GAB2: variants seen among roughly 807,000 people sequenced by gnomAD.
The protein encoded by GAB2 is GRB2 associated binding protein 2, also known as GRB2-associated-binding protein 2.
Under a neutral mutation model 65.5 loss-of-function variants are expected in GAB2, and 26 were observed. The ratio of observed to expected loss-of-function variants is 0.40; its 90% confidence interval spans 0.29 to 0.55. The LOEUF is 0.55. GAB2 is among the 20% of genes least tolerant of loss of function. The pLI is 0.53. For synonymous variants in GAB2, 321 were observed against 329.6 expected (o/e 0.97, Z 0.28); for missense variants, 884 against 875.8 (o/e 1.01, Z -0.12).
intron 1 of GAB2, among the ~76,000 whole-genome samples, chr11:78,416,779 T>TAAAAA (rs5792806): frequency 1.7e-5 from 2 of 116,224 alleles, no homozygotes; most frequent in African/African-American, 6.2e-5. Context: ...GGAGAGGGGT[T>TAAAAA]AAAAAAAAAA....
At chr11:78,381,901 C>T (rs770483302) in intron 1 of GAB2, among the ~76,000 whole-genome samples, 3 of 152,206 alleles carry the variant, frequency 2.0e-5, no homozygotes, top group Non-Finnish European at 4.4e-5. Flanking sequence ...TTCGCAGTTC[C>T]TTGCTGCTTA....
In GAB2 at chr11:78,291,548, CTTTTT is replaced by C. The variant is rs1480308815; in HGVS notation, c.76-10652_76-10648del. Among the ~76,000 whole-genome samples the C allele has an allele frequency of 6.1e-3, 403 of 66,310 alleles. 14 individuals carry two copies. Among genetic ancestry groups the C allele is most frequent in the African/African-American group, 0.024 (386 of 15,788 alleles). 43.5% of individuals were successfully genotyped at this position (66,310 alleles called of 152,430 possible). On this transcript the variant is annotated intron_variant, in intron 1 of 9. Coordinates refer to ENST00000361507, the MANE Select transcript of GAB2 (RefSeq NM_080491.3). The stretch of plus-strand genomic sequence containing the variant: ...ATTCTCCCCTATCTTGAGAGACTTA[CTTTTT>C]TCTTTTTCTTTTTTTTTTTTTTTTT...
At chr11:78,406,621 A>G (rs75633861) in intron 1 of GAB2, among the ~76,000 whole-genome samples, 9,611 of 152,162 alleles carry the variant, frequency 0.063, 979 homozygotes, top group African/African-American at 0.22. Context: ...CAGGTGACTC[A>G]CCTGCCTTGG....
intron 1 of GAB2, among the ~76,000 whole-genome samples, chr11:78,381,533 T>C (rs1454118232): frequency 1.3e-5 from 2 of 152,192 alleles, no homozygotes; most frequent in Non-Finnish European, 2.9e-5. Flanking sequence ...CTCTTCCTCC[T>C]CCCACCTGCT....
At chr11:78,314,200 A>G (rs1030614280) in intron 1 of GAB2, among the ~76,000 whole-genome samples, 1 of 152,198 alleles carries the variant, frequency 6.6e-6, no homozygotes, top group African/African-American at 2.4e-5. Flanking sequence ...AATATTTCCA[A>G]AAGTCCAGGG....
chr11:78,222,329 T>C, intron 6 of GAB2, 134 bp from the exon 7 acceptor site: 1 of 645,672 alleles, frequency 1.5e-6, no homozygotes, highest in Non-Finnish European at 2.8e-6. Context: ...AAACTGACGC[T>C]CAGCGAGGTT....
At chr11:78,323,180 A>G (rs570358570) in intron 1 of GAB2, among the ~76,000 whole-genome samples, 7 of 152,162 alleles carry the variant, frequency 4.6e-5, no homozygotes, top group Admixed American at 6.6e-5. Context: ...GCATGTATGC[A>G]GCTGGAGGTC....
At chr11:78,219,499 G>T in intron 9 of GAB2, 84 bp from the exon 10 acceptor site, 1 of 1,285,928 alleles carries the variant, frequency 7.8e-7, no homozygotes, top group Non-Finnish European at 1.1e-6. Context: ...GGATCTTCCT[G>T]AGCTGTCTGA....
intron 1 of GAB2, among the ~76,000 whole-genome samples, chr11:78,299,288 T>C (rs756984849): frequency 8.5e-5 from 13 of 152,206 alleles, no homozygotes; most frequent in South Asian, 2.1e-4. Flanking sequence ...CTCTGGGCCA[T>C]TTCCTCATCT....
intron 1 of GAB2, among the ~76,000 whole-genome samples, chr11:78,396,722 C>G (rs772294684): frequency 6.6e-6 from 1 of 152,132 alleles, no homozygotes; most frequent in Non-Finnish European, 1.5e-5. Flanking sequence ...CTCAGCCACC[C>G]GAGCAGCTGA....
chr11:78,328,832 T>C (rs930770456), intron 1 of GAB2, among the ~76,000 whole-genome samples: 9 of 152,124 alleles, frequency 5.9e-5, no homozygotes, highest in African/African-American at 2.2e-4. Context: ...GGAACGATGG[T>C]AATGTTTTAT....
At chr11:78,376,037 A>C (rs1159540023) in intron 1 of GAB2, among the ~76,000 whole-genome samples, 2 of 152,214 alleles carry the variant, frequency 1.3e-5, no homozygotes, top group Non-Finnish European at 2.9e-5. Context: ...TTGCATGTGC[A>C]AAAGATCAGA....
intron 3 of GAB2, among the ~76,000 whole-genome samples, chr11:78,248,727 T>G (rs899754417): frequency 2.6e-5 from 4 of 152,230 alleles, no homozygotes; most frequent in Non-Finnish European, 5.9e-5. Flanking sequence ...ATAAGAATAT[T>G]GAAGGTTAAT....
At chr11:78,374,351 G>A (rs1372039165) in intron 1 of GAB2, among the ~76,000 whole-genome samples, 2 of 152,022 alleles carry the variant, frequency 1.3e-5, no homozygotes, top group South Asian at 2.1e-4. Flanking sequence ...CACTTTTGTC[G>A]AGCCATTTCT....
Position 78,223,489 on chromosome 11 carries a change from G to C in GAB2, c.1490C>G (p.Pro497Arg), listed in dbSNP as rs1864527604. 6.2e-7 allele frequency: 1 copy of C among 1,609,448 alleles called. No homozygotes were observed. The highest frequency in any genetic ancestry group is 8.5e-7 in the Non-Finnish European group (1 of 1,177,536). The change falls in exon 6 of 10, where the codon CCT (proline) becomes CGT (arginine). Residue 497 changes from proline to arginine, a missense_variant. Physicochemically the swap from Pro to Arg is moderately radical, Grantham distance 103. Coordinates refer to ENST00000361507, the MANE Select transcript of GAB2 (RefSeq NM_080491.3). ...TCCTCTGCTGGGGCCTCGGTGCACA[G>C]GAAGGGTTGTTGATGGGTAGCCAAG... ...DSLGYPSTTL[P>R]VHRGPSRGSE...
chr11:78,219,668 G>A (rs1864321706), intron 9 of GAB2, among the ~76,000 whole-genome samples: 1 of 152,156 alleles, frequency 6.6e-6, no homozygotes, highest in Non-Finnish European at 1.5e-5. Flanking sequence ...GCTTCTGGGA[G>A]GACCCAGGCC....
intron 1 of GAB2, among the ~76,000 whole-genome samples, chr11:78,326,367 T>G (rs1158809641): frequency 6.6e-6 from 1 of 152,198 alleles, no homozygotes; most frequent in East Asian, 1.9e-4. Flanking sequence ...TGAGAAACTT[T>G]TAAGAGGACT....
chr11:78,329,199 A>C (rs1192485319), intron 1 of GAB2, among the ~76,000 whole-genome samples: 3 of 152,188 alleles, frequency 2.0e-5, no homozygotes, highest in Non-Finnish European at 4.4e-5. Context: ...TCATTTAAAA[A>C]TGTTAGCAAA....
chr11:78,318,831 C>A lies in GAB2; in HGVS notation c.76-37930G>T, dbSNP rs141681717. 3.2e-3 allele frequency among the ~76,000 whole-genome samples: 491 copies of A among 152,258 alleles called. 6 individuals are homozygous for A. The highest frequency in any genetic ancestry group is 0.012 in the East Asian group (64 of 5,192). On this transcript the variant is annotated intron_variant, in intron 1 of 9. Transcript: ENST00000361507. The stretch of plus-strand genomic sequence containing the variant: ...ACCACCCCTTCTCACCAGAAATAAT[C>A]GGAGGCAGCACTGGAAAAAGGAGCA...
Sources: gnomAD v4.1 joint callset for allele counts (sites outside exome capture counted in the v4.1 genomes callset) on GRCh38, gnomAD v4.1.1 for gene constraint, MANE v1.5 for transcripts, NCBI Gene and HGNC (gene_info 2026-07-23, HGNC 2026-07-21) for gene names.